GET1: variants seen among roughly 807,000 people sequenced by gnomAD.
GET1 encodes guided entry of tail-anchored proteins factor 1.
GET1 carries 20 observed loss-of-function variants against 22.6 expected under a neutral mutation model. The observed-to-expected ratio is 0.89, with a 90% CI of 0.62 to 1.29. The LOEUF is 1.29. Among genes scored for constraint, GET1 ranks in the 50% most tolerant of loss-of-function variants. The pLI, the probability that GET1 is intolerant of heterozygous loss-of-function variation, is 0.00. For missense variants in GET1, 209 were observed against 219.9 expected (o/e 0.95, Z 0.31); for synonymous variants, 92 against 83.8 (o/e 1.10, Z -0.53).
chr21:39,405,943 G>C (rs751237165), exon 5 of GET1: 1 of 1,612,914 alleles, frequency 6.2e-7, no homozygotes, highest in South Asian at 1.1e-5. Context: ...ATTTACCACA[G>C]TTACTTTAGA....
At position 39,423,128 on chromosome 21, in the gene GET1, T is replaced by C. The variant is rs143721235; in HGVS notation, c.*24-5104T>C. Reference sequence around the variant, plus strand: ...TTCAGTAACTGGCTGTCAGTTTCTCTAAGTTTCCTAGATAGAGTTCTTTCC... The same window carrying C: ...TTCAGTAACTGGCTGTCAGTTTCTCCAAGTTTCCTAGATAGAGTTCTTTCC... On this transcript the variant is annotated intron_variant, in intron 1 of 1. Coordinates refer to the GET1 transcript ENST00000478273. The C allele has an allele frequency of 5.3e-4, 850 of 1,613,924 alleles. 8 individuals carry two copies. In the African/African-American group the frequency reaches 9.8e-3, roughly 19 times the overall value.
chr21:39,387,809 C>G lies in GET1; in HGVS notation c.103-2889C>G, dbSNP rs1282796746. The G allele has an allele frequency of 5.1e-6, 5 of 985,458 alleles. No homozygotes were observed. In the African/African-American group the frequency reaches 5.3e-5, roughly 10 times the overall value. 61.0% of individuals were successfully genotyped at this position (985,458 alleles called of 1,614,324 possible). ...CGACTGGCGGGTCGCGGCTTCCAAG[C>G]TCTAAATGGAGAGTTGTCCCTACTG... On this transcript the variant is annotated intron_variant, in intron 1 of 4. Transcript: ENST00000649170.
In GET1 at chr21:39,380,406, C is replaced by T. The variant is rs1430357768; in HGVS notation, c.22C>T (p.His8Tyr). 1.4e-5 allele frequency: 22 copies of T among 1,610,882 alleles called. No homozygotes were observed. Among genetic ancestry groups the T allele is most frequent in the Non-Finnish European group, 1.8e-5 (21 of 1,178,560 alleles). Reference sequence around the variant, plus strand: ...CGGGATGAGCTCAGCCGCGGCCGACCACTGGGCGTGGTTGCTGGTGCTCAG... The same window carrying T: ...CGGGATGAGCTCAGCCGCGGCCGACTACTGGGCGTGGTTGCTGGTGCTCAG... MSSAAAD[H>Y]WAWLLVLSFV... Residue 8 changes from histidine (H) to tyrosine (Y), a missense_variant, in exon 1 of 5, where the codon CAC becomes TAC. Physicochemically the swap from His to Tyr is moderately conservative, Grantham distance 83 (BLOSUM62 2). Coordinates refer to ENST00000649170, the MANE Select transcript of GET1 (RefSeq NM_004627.6).
chr21:39,428,224 T>A (rs1387834461), intron 1 of GET1: 1 of 1,601,154 alleles, frequency 6.2e-7, no homozygotes, highest in African/African-American at 1.3e-5. Flanking sequence ...CCTTTTCTTT[T>A]ACCACAGGCT....
chr21:39,411,242 G>A (rs757733052), downstream of GET1: 3 of 214,614 alleles, frequency 1.4e-5, no homozygotes, highest in South Asian at 1.4e-4. Context: ...CAGGGGACAC[G>A]AGGAAACTTC....
chr21:39,383,075 C>A (rs943889845), intron 1 of GET1, among the ~76,000 whole-genome samples: 1 of 151,526 alleles, frequency 6.6e-6, no homozygotes, highest in Non-Finnish European at 1.5e-5. Context: ...CTCAGCCTCC[C>A]GAGTAGCTGG....
Position 39,405,731 on chromosome 21 carries a change from GCAAT to G in GET1, c.350-179_350-176del, listed in dbSNP as rs541735399. ...ATAAAATAGATTTTTTACTAGATTAGCAATCAAACAAAAATTTAATTATCGAAAG... is the reference window on the plus strand; with the variant it reads ...ATAAAATAGATTTTTTACTAGATTAGCAAACAAAAATTTAATTATCGAAAG... On this transcript the variant is annotated intron_variant, in intron 4 of 4. Coordinates refer to the GET1 transcript ENST00000415847. The G allele has an allele frequency of 1.9e-3, 984 of 507,672 alleles. 2 individuals carry two copies. The highest frequency in any genetic ancestry group is 2.8e-3 in the Non-Finnish European group (861 of 305,652). 31.4% of individuals were successfully genotyped at this position (507,672 alleles called of 1,614,324 possible).
intron 2 of GET1, chr21:39,391,130 T>G (rs912344397): frequency 3.7e-6 from 1 of 271,962 alleles, no homozygotes; most frequent in Non-Finnish European, 7.0e-6. Flanking sequence ...CTCTTAAAAA[T>G]TGTAGGTTTT....
chr21:39,387,701 CA>C (rs1464323109), intron 1 of GET1: 2 of 807,354 alleles, frequency 2.5e-6, no homozygotes, highest in Non-Finnish European at 3.0e-6. Context: ...TCCCCCCCCC[CA>C]CTTTTGCCTC....
chr21:39,394,265 A>G (rs1318548810), intron 4 of GET1, among the ~76,000 whole-genome samples: 1 of 152,174 alleles, frequency 6.6e-6, no homozygotes, highest in Non-Finnish European at 1.5e-5. Context: ...GAGAGGTTGC[A>G]GTGAGCTGAG....
chr21:39,403,217 C>G (rs544768828), intron 4 of GET1, among the ~76,000 whole-genome samples: 1 of 152,364 alleles, frequency 6.6e-6, no homozygotes, highest in East Asian at 1.9e-4. Context: ...CCCTCCCTGC[C>G]TCCCTTACTC....
At chr21:39,395,516 C>G (rs2038582704) in intron 4 of GET1, among the ~76,000 whole-genome samples, 1 of 152,106 alleles carries the variant, frequency 6.6e-6, no homozygotes, top group African/African-American at 2.4e-5. Context: ...AGGTGCCCAC[C>G]ACACGCCCGA....
downstream of GET1, chr21:39,410,213 T>G: frequency 7.7e-7 from 1 of 1,290,780 alleles, no homozygotes; most frequent in Non-Finnish European, 1.1e-6. Flanking sequence ...GTAGCCTATT[T>G]TTGTTAAGAC....
chr21:39,421,313 G>C (rs762553477), intron 1 of GET1, among the ~76,000 whole-genome samples: 8 of 152,208 alleles, frequency 5.3e-5, no homozygotes, highest in Middle Eastern at 3.4e-3. Context: ...TGTTGGCCAG[G>C]CTGGTCTCAA....
chr21:39,383,574 A>C (rs9680225), intron 1 of GET1, among the ~76,000 whole-genome samples: 1 of 150,928 alleles, frequency 6.6e-6, no homozygotes, highest in African/African-American at 2.4e-5. Context: ...GAGCCACTGC[A>C]CCCAGCTAAT....
intron 1 of GET1, among the ~76,000 whole-genome samples, chr21:39,418,896 A>ATG (rs1301879943): frequency 6.6e-6 from 1 of 152,052 alleles, no homozygotes; most frequent in South Asian, 2.1e-4. Context: ...GTGTCTCCAT[A>ATG]TGTGTGTGTG....
downstream of GET1, among the ~76,000 whole-genome samples, chr21:39,400,478 C>A (rs1406808300): frequency 6.6e-6 from 1 of 152,186 alleles, no homozygotes; most frequent in African/African-American, 2.4e-5. Context: ...GTATTTAACT[C>A]ACAATCACAT....
intron 3 of GET1, 143 bp downstream of exon 3, chr21:39,391,979 A>T: frequency 1.4e-6 from 1 of 712,256 alleles, no homozygotes. Flanking sequence ...TGGAGCTCTA[A>T]ACACTCTCGG....
intron 1 of GET1, among the ~76,000 whole-genome samples, chr21:39,390,160 G>A (rs571625329): frequency 6.6e-6 from 1 of 151,944 alleles, no homozygotes; most frequent in Non-Finnish European, 1.5e-5. Context: ...GATGTTGGAG[G>A]AAGGTGTACC....
Sources: gnomAD v4.1 joint callset for allele counts (sites outside exome capture counted in the v4.1 genomes callset) on GRCh38, gnomAD v4.1.1 for gene constraint, MANE v1.5 for transcripts, NCBI Gene and HGNC (gene_info 2026-07-23, HGNC 2026-07-21) for gene names.